MGA: variants seen among roughly 807,000 people sequenced by gnomAD.
MGA encodes the protein MAX gene-associated protein.
In MGA, 40 loss-of-function variants were observed where a neutral mutation model predicts 261.1. That is an observed-to-expected ratio of 0.15 (90% CI 0.12 to 0.20). MGA has a LOEUF of 0.20. MGA is among the 10% of genes least tolerant of loss of function. The pLI is 1.00. For synonymous variants in MGA, 1,302 were observed against 1,290.6 expected, an observed-to-expected ratio of 1.01 and a Z score of -0.19; for missense variants, 3,397 against 3,630.5, an observed-to-expected ratio of 0.94 and a Z score of 1.65.
intron 2 of MGA, among the ~76,000 whole-genome samples, chr15:41,675,947 A>G (rs916700279): frequency 3.9e-5 from 6 of 152,222 alleles, no homozygotes; most frequent in African/African-American, 1.4e-4. Flanking sequence ...TCTAAGTACC[A>G]AATAAAACAA....
intron 3 of MGA, among the ~76,000 whole-genome samples, chr15:41,698,285 C>T (rs1437098142): frequency 6.6e-6 from 1 of 151,190 alleles, no homozygotes; most frequent in Non-Finnish European, 1.5e-5. Context: ...TCCCCTGCCT[C>T]AGCCTCCCGA....
chr15:41,684,011 C>T (rs371727091), intron 2 of MGA, among the ~76,000 whole-genome samples: 11 of 152,072 alleles, frequency 7.2e-5, no homozygotes, highest in East Asian at 1.9e-4. Flanking sequence ...ACCAGTTTTA[C>T]GGAAGGCGTT....
At chr15:41,738,181 A>G (rs2061891421) in intron 13 of MGA, among the ~76,000 whole-genome samples, 1 of 151,922 alleles carries the variant, frequency 6.6e-6, no homozygotes, top group African/African-American at 2.4e-5. Flanking sequence ...CGGGTAGATC[A>G]TGAGGTCAGG....
intron 1 of MGA, among the ~76,000 whole-genome samples, chr15:41,627,096 A>C (rs1045605395): frequency 6.6e-6 from 1 of 152,086 alleles, no homozygotes; most frequent in South Asian, 2.1e-4. Flanking sequence ...TTTGGTAGAG[A>C]TGGAGTTTCA....
chr15:41,726,527 G>C (rs934430020), intron 9 of MGA, among the ~76,000 whole-genome samples: 1 of 151,970 alleles, frequency 6.6e-6, no homozygotes, highest in African/African-American at 2.4e-5. Context: ...CCAGGAGTTC[G>C]AGACCAGCCT....
intron 5 of MGA, among the ~76,000 whole-genome samples, chr15:41,705,606 TC>T (rs1487994728): frequency 6.6e-6 from 1 of 151,844 alleles, no homozygotes; most frequent in Non-Finnish European, 1.5e-5. Flanking sequence ...AACCAGTCCT[TC>T]CTCTTTGGCC....
chr15:41,671,501 T>C (rs1356726176), intron 2 of MGA, among the ~76,000 whole-genome samples: 1 of 151,936 alleles, frequency 6.6e-6, no homozygotes, highest in African/African-American at 2.4e-5. Flanking sequence ...ATTTTTTATA[T>C]ATTTTTTAGT....
At chr15:41,670,190 A>G (rs536349665) in intron 2 of MGA, among the ~76,000 whole-genome samples, 1 of 152,312 alleles carries the variant, frequency 6.6e-6, no homozygotes, top group African/African-American at 2.4e-5. Context: ...TATCAGAATT[A>G]TTCATATGTA....
At chr15:41,693,133 C>G (rs899953110) in intron 2 of MGA, among the ~76,000 whole-genome samples, 1 of 152,280 alleles carries the variant, frequency 6.6e-6, no homozygotes, top group Admixed American at 6.5e-5. Flanking sequence ...AGCCACCACA[C>G]CCGGCTTCTA....
In MGA at chr15:41,711,212, A is replaced by G. The variant is rs369514000; in HGVS notation, c.2947A>G (p.Ser983Gly). Residue 983 changes from serine to glycine, a missense_variant, in exon 8 of 24, where the codon AGT becomes GGT. Ser to Gly is a moderately conservative substitution (Grantham distance 56, BLOSUM62 0). This residue lies in a region of MGA where 519 missense variants were observed against 554.1 expected (regional missense o/e 0.94). Transcript: ENST00000219905. Reference sequence around the variant, plus strand: ...GCAGCAGCAGCAACAGCAACAGGGAAGTCGCCCTCCAGGCTTGTCTAAATC... The same window carrying G: ...GCAGCAGCAGCAACAGCAACAGGGAGGTCGCCCTCCAGGCTTGTCTAAATC... The G allele has an allele frequency of 4.3e-6, 7 of 1,613,866 alleles. No homozygotes were observed. The highest frequency in any genetic ancestry group is 4.0e-5 in the African/African-American group (3 of 74,868).
chr15:41,629,318 G>C (rs2056537204), intron 1 of MGA, among the ~76,000 whole-genome samples: 2 of 152,134 alleles, frequency 1.3e-5, no homozygotes. Flanking sequence ...GCTGGAGCCA[G>C]TGGTGCCATT....
In MGA at chr15:41,736,441, T is replaced by C. The variant is rs2061780485; in HGVS notation, c.4177T>C (p.Ser1393Pro). ...TGAGAAGAACCCTCCTGTTTATTCT[T>C]CTCGTGTGAAAATCTCTATGCCATC... The change falls in exon 13 of 24, where the codon TCT (serine) becomes CCT (proline). Residue 1393 changes from serine to proline, a missense_variant. Physicochemically the swap from Ser to Pro is moderately conservative, Grantham distance 74. Transcript: ENST00000219905. 6.2e-7 allele frequency: 1 copy of C among 1,613,876 alleles called. No individual in the cohort carries two copies.
chr15:41,669,846 G>A lies in MGA; in HGVS notation c.952G>A (p.Gly318Ser). ...TTTGTCAAGGGGTCATGAAACATCA[G>A]GCAAGGGTTTGGAGAAGACTTCCCT... Residue 318 changes from glycine to serine, a missense_variant, in exon 2 of 24, where the codon GGC becomes AGC. By Grantham distance (56) the Gly-to-Ser change is moderately conservative. Around this residue, in one of 9 missense-constraint regions of MGA, gnomAD observed 563 missense variants for 563.6 expected, o/e 1.00. Transcript: ENST00000219905. 6.2e-7 allele frequency: 1 copy of A among 1,614,000 alleles called. No homozygotes were observed. The highest frequency in any genetic ancestry group is 1.6e-4 in the Middle Eastern group (1 of 6,062).
At chr15:41,694,990 A>G (rs2059481976) in intron 2 of MGA, among the ~76,000 whole-genome samples, 1 of 152,016 alleles carries the variant, frequency 6.6e-6, no homozygotes, top group Non-Finnish European at 1.5e-5. Context: ...AATGCCCACA[A>G]TCCTTTGTTA....
At chr15:41,706,000 A>G (rs2060089697) in intron 5 of MGA, among the ~76,000 whole-genome samples, 1 of 152,128 alleles carries the variant, frequency 6.6e-6, no homozygotes, top group Non-Finnish European at 1.5e-5. Context: ...GCACTTTGGG[A>G]GGCCGAGGCG....
At chr15:41,726,744 A>C (rs1379667232) in intron 9 of MGA, among the ~76,000 whole-genome samples, 1 of 145,006 alleles carries the variant, frequency 6.9e-6, no homozygotes, top group Admixed American at 6.9e-5. Flanking sequence ...AAAAAAAAAA[A>C]ATTTTTTTTC....
At chr15:41,683,426 C>T (rs975190690) in intron 2 of MGA, among the ~76,000 whole-genome samples, 2 of 152,042 alleles carry the variant, frequency 1.3e-5, no homozygotes, top group African/African-American at 4.8e-5. Context: ...GATACAAGGT[C>T]TCACTGTGTT....
intron 5 of MGA, among the ~76,000 whole-genome samples, chr15:41,699,475 ATTTGGTTGCT>A (rs1293623014): frequency 4.0e-5 from 6 of 148,586 alleles, no homozygotes; most frequent in Non-Finnish European, 9.0e-5. Context: ...TCTCATCTTA[ATTTGGTTGCT>A]TTTGTTTATG....
At chr15:41,717,952 A>G (rs2060725924) in intron 9 of MGA, among the ~76,000 whole-genome samples, 1 of 151,452 alleles carries the variant, frequency 6.6e-6, no homozygotes, top group South Asian at 2.1e-4. Flanking sequence ...CAATCAGTAT[A>G]CTTTGCCATT....
Sources: gnomAD v4.1 joint callset for allele counts (sites outside exome capture counted in the v4.1 genomes callset) on GRCh38, gnomAD v4.1.1 for gene constraint, gnomAD v4.1.1 regional missense constraint, MANE v1.5 for transcripts, NCBI Gene and HGNC (gene_info 2026-07-23, HGNC 2026-07-21) for gene names.